The following TRPM2 variants were observed in gnomAD, a reference collection of about 807,000 sequenced individuals.
TRPM2 encodes the protein estrogen-responsive element-associated gene 1 protein.
In TRPM2, 161 loss-of-function variants were observed where a neutral mutation model predicts 174.0. That is an observed-to-expected ratio of 0.93 (90% CI 0.81 to 1.05). The LOEUF is 1.05. Among genes scored for constraint, TRPM2 ranks in the 50% least tolerant of loss-of-function variants. The pLI, the probability that TRPM2 is intolerant of heterozygous loss-of-function variation, is 0.00. For synonymous variants in TRPM2, 954 were observed against 861.3 expected, an observed-to-expected ratio of 1.11 and a Z score of -1.88; for missense variants, 2,057 against 2,038.0, an observed-to-expected ratio of 1.01 and a Z score of -0.18.
chr21:44,360,012 C>G (rs2048168682), intron 2 of TRPM2, among the ~76,000 whole-genome samples: 1 of 152,040 alleles, frequency 6.6e-6, no homozygotes, highest in Non-Finnish European at 1.5e-5. Context: ...TCCCAAAGTG[C>G]TGGGATTACA....
intron 22 of TRPM2, among the ~76,000 whole-genome samples, chr21:44,419,127 G>A (rs929850163): frequency 4.6e-5 from 7 of 152,268 alleles, no homozygotes; most frequent in Middle Eastern, 3.4e-3. Flanking sequence ...GCCCAGCAGC[G>A]GGCAGCAGGA....
At position 44,437,093 on chromosome 21, in the gene TRPM2, A is replaced by G; in HGVS notation, c.4093A>G (p.Arg1365Gly). 1 of 1,551,214 alleles carries G rather than the reference A, an allele frequency of 6.4e-7. No individual in the cohort carries two copies. Among genetic ancestry groups the G allele is most frequent in the Non-Finnish European group, 8.7e-7 (1 of 1,146,884 alleles). ...GCGGAACGAGGATGGAGCCATCTGC[A>G]GGAAGAGCATAAAGAAGATGCTGGA... Reference protein sequence around the residue: ...WRRNEDGAICRKSIKKMLEVL... With the variant: ...WRRNEDGAICGKSIKKMLEVL... The change falls in exon 29 of 32, where the codon AGG (arginine) becomes GGG (glycine). Residue 1365 changes from arginine (R) to glycine (G), a missense_variant. Transcript: ENST00000397928.
rs2048009286 is a variant in TRPM2, at chr21:44,354,819, C to T, written c.254+83C>T. ...AGTAGCTGATCAGGCCAAGACCCCTCAGGGCCTCAGTGAAGGGTCACTGGA... is the reference window on the plus strand; with the variant it reads ...AGTAGCTGATCAGGCCAAGACCCCTTAGGGCCTCAGTGAAGGGTCACTGGA... On this transcript the variant is annotated intron_variant, in intron 2 of 31. Transcript: ENST00000397928. The surrounding 1 kb of genome is among the most constrained non-coding windows in gnomAD (Gnocchi z 4.3). 4.0e-6 allele frequency: 5 copies of T among 1,252,310 alleles called. No individual in the cohort carries two copies. Among genetic ancestry groups the T allele is most frequent in the Admixed American group, 1.7e-5 (1 of 59,020 alleles). 77.6% of individuals were successfully genotyped at this position (1,252,310 alleles called of 1,614,324 possible).
chr21:44,360,550 A>G (rs1167177742), intron 2 of TRPM2, among the ~76,000 whole-genome samples: 6 of 150,114 alleles, frequency 4.0e-5, no homozygotes, highest in Non-Finnish European at 8.8e-5. Context: ...GGTAGAATGC[A>G]TGTGTTTAGT....
At chr21:44,374,849 G>C (rs893514673) in intron 5 of TRPM2, among the ~76,000 whole-genome samples, 1 of 152,164 alleles carries the variant, frequency 6.6e-6, no homozygotes, top group South Asian at 2.1e-4. Flanking sequence ...CATGGCCCAG[G>C]GGGTGGGGGA....
chr21:44,400,118 CTG>C lies in TRPM2; in HGVS notation c.2209-137_2209-136del, dbSNP rs113936304. On this transcript the variant is annotated intron_variant, in intron 14 of 31. Coordinates refer to ENST00000397928, the MANE Select transcript of TRPM2 (RefSeq NM_003307.4). ...GACACCCAAAGCCCCAGGGCAAGCT[CTG>C]TGTCTTCACCACTTTCTGCTGTGAG... 672 of 664,398 alleles carry C rather than the reference CTG, an allele frequency of 1.0e-3. 7 individuals carry two copies. In the African/African-American group the frequency reaches 0.01, roughly 10 times the overall value. The allele number at this position is 664,398 out of a possible 1,614,324, so 41.2% of individuals were successfully genotyped here.
In TRPM2 at chr21:44,375,922, G is replaced by A; in HGVS notation, c.861G>A (p.Val287=). Residue 287 remains valine, a synonymous_variant, in exon 6 of 32, where the codon GTG becomes GTA. Transcript: ENST00000397928. The part of the protein sequence containing the change: ...LDSNHSHFIL[V]DDGTHGQYGV... Reference sequence around the variant, plus strand: ...GCAACCACTCTCACTTCATCCTCGTGGACGACGGGACCCACGGCCAGTACG... The same window carrying A: ...GCAACCACTCTCACTTCATCCTCGTAGACGACGGGACCCACGGCCAGTACG... The A allele has an allele frequency of 6.2e-7, 1 of 1,614,104 alleles. No homozygotes were observed. The highest frequency in any genetic ancestry group is 2.2e-5 in the East Asian group (1 of 44,892).
chr21:44,374,881 G>T (rs574384442), intron 5 of TRPM2, among the ~76,000 whole-genome samples: 9 of 152,254 alleles, frequency 5.9e-5, no homozygotes, highest in African/African-American at 2.2e-4. Flanking sequence ...GGGCAACAAA[G>T]CCCTCTCTGC....
Position 44,405,951 on chromosome 21 carries a change from G to C in TRPM2, c.2704G>C (p.Asp902His). The part of the protein sequence containing the change: ...LYPGRVILSL[D>H]FILFCLRLMH... ...CCCCGGGCGCGTCATCCTCTCTCTGGACTTCATCCTGTTCTGCCTCCGGCT... is the reference window on the plus strand; with the variant it reads ...CCCCGGGCGCGTCATCCTCTCTCTGCACTTCATCCTGTTCTGCCTCCGGCT... The change falls in exon 18 of 32, where the codon GAC becomes CAC. Residue 902 changes from aspartate to histidine, a missense_variant. Physicochemically the swap from Asp to His is moderately conservative, Grantham distance 81. Transcript: ENST00000397928. 6.2e-7 allele frequency: 1 copy of C among 1,608,186 alleles called. No homozygotes were observed.
At chr21:44,398,591 G>A (rs938071237) in intron 13 of TRPM2, among the ~76,000 whole-genome samples, 2 of 152,088 alleles carry the variant, frequency 1.3e-5, no homozygotes, top group Non-Finnish European at 2.9e-5. Context: ...ATCACAGCGG[G>A]TCAAAGTGGG....
intron 16 of TRPM2, among the ~76,000 whole-genome samples, chr21:44,404,052 T>C (rs901107103): frequency 2.7e-5 from 4 of 150,898 alleles, no homozygotes; most frequent in Non-Finnish European, 4.4e-5. Flanking sequence ...CATATACACA[T>C]ATACATACAT....
chr21:44,413,792 A>G lies in TRPM2; in HGVS notation c.2963-99A>G. The stretch of plus-strand genomic sequence containing the variant: ...ATGAGCAGCATCAGGCCTGCGGGGG[A>G]CCTGGCAGTGACTGGAGGCCTCGAG... On this transcript the variant is annotated intron_variant, in intron 19 of 31. Transcript: ENST00000397928. The G allele has an allele frequency of 3.6e-6, 5 of 1,376,456 alleles. No homozygotes were observed. The South Asian group carries it at 6.5e-5, about 18-fold the overall frequency. The allele number at this position is 1,376,456 out of a possible 1,614,324, so 85.3% of individuals were successfully genotyped here.
intron 22 of TRPM2, among the ~76,000 whole-genome samples, chr21:44,420,753 C>T (rs986705218): frequency 1.3e-5 from 2 of 152,220 alleles, no homozygotes; most frequent in African/African-American, 4.8e-5. Flanking sequence ...AAGGCCACAG[C>T]TCTGCTGATG....
At chr21:44,371,641 T>C (rs1333760548) in intron 5 of TRPM2, among the ~76,000 whole-genome samples, 1 of 152,108 alleles carries the variant, frequency 6.6e-6, no homozygotes, top group Non-Finnish European at 1.5e-5. Context: ...TAGGGTCATC[T>C]AGGGTGATGC....
At position 44,354,701 on chromosome 21, in the gene TRPM2, G is replaced by A. The variant is rs2048006523; in HGVS notation, c.219G>A (p.Val73=). The part of the protein sequence containing the change: ...IPENIKKKEC[V]YFVESSKLSD... The stretch of plus-strand genomic sequence containing the variant: ...AAAACATCAAGAAGAAAGAATGCGT[G>A]TATTTTGTGGAAAGTTCCAAACTGT... Residue 73 remains valine, a synonymous_variant, in exon 2 of 32, where the codon GTG becomes GTA. Coordinates refer to ENST00000397928, the MANE Select transcript of TRPM2 (RefSeq NM_003307.4). This position sits in a 1 kb window ranked among gnomAD's most constrained non-coding sequence, Gnocchi z 4.3. 4.3e-6 allele frequency: 7 copies of A among 1,614,218 alleles called. No homozygotes were observed. The highest frequency in any genetic ancestry group is 5.9e-6 in the Non-Finnish European group (7 of 1,180,040).
At chr21:44,418,245 G>A in intron 21 of TRPM2, 137 bp downstream of exon 21, 1 of 1,387,994 alleles carries the variant, frequency 7.2e-7, no homozygotes, top group Non-Finnish European at 9.7e-7. Flanking sequence ...GCCTTCTGCT[G>A]GCCTTGAGCA....
rs1442398433 is a variant in TRPM2 at position 44,382,719 on chromosome 21, T to C, written c.1217T>C (p.Ile406Thr). The C allele has an allele frequency of 6.2e-7, 1 of 1,613,650 alleles. No individual in the cohort carries two copies. The highest frequency in any genetic ancestry group is 1.3e-5 in the African/African-American group (1 of 74,882). ...TCACTTAGAAAATGCTTGTTGCAGA[T>C]CCAAGATATCGTCCGGAGGCGGCAG... ...ESRIVEWTKK[I>T]QDIVRRRQLL... The change falls in exon 9 of 32, where the codon ATC becomes ACC. Residue 406 changes from isoleucine (I) to threonine (T), a missense_variant and splice_region_variant. Physicochemically the swap from Ile to Thr is moderately conservative, Grantham distance 89 (BLOSUM62 -1). Coordinates refer to ENST00000397928, the MANE Select transcript of TRPM2 (RefSeq NM_003307.4).
intron 5 of TRPM2, among the ~76,000 whole-genome samples, chr21:44,370,906 T>C (rs2146175207): frequency 6.6e-6 from 1 of 152,240 alleles, no homozygotes; most frequent in East Asian, 1.9e-4. Context: ...GGAATGGGAC[T>C]GTGGCTGCTT....
At position 44,399,092 on chromosome 21, in the gene TRPM2, G is replaced by A. The variant is rs565908084; in HGVS notation, c.2063-204G>A. Among the ~76,000 whole-genome samples the A allele has an allele frequency of 7.9e-5, 12 of 152,244 alleles. No individual in the cohort carries two copies. The highest frequency in any genetic ancestry group is 2.9e-4 in the African/African-American group (12 of 41,526). On this transcript the variant is annotated intron_variant, in intron 13 of 31. Coordinates refer to ENST00000397928, the MANE Select transcript of TRPM2 (RefSeq NM_003307.4). This position sits in a 1 kb window ranked among gnomAD's most constrained non-coding sequence, Gnocchi z 4.6. ...GAGTTTTCTCCCTGTTGTCATTTTT[G>A]TAGAGGCAGTTCCAGCCCTACGTGC...
Sources: gnomAD v4.1 joint callset for allele counts (sites outside exome capture counted in the v4.1 genomes callset) on GRCh38, gnomAD v4.1.1 for gene constraint, Gnocchi (gnomAD v3.1) non-coding constraint, MANE v1.5 for transcripts, NCBI Gene and HGNC (gene_info 2026-07-23, HGNC 2026-07-21) for gene names.